Variants in MBNL1 observed in about 807,000 individuals in gnomAD.
The protein encoded by MBNL1 is muscleblind-like protein 1.
MBNL1 carries 8 observed loss-of-function variants against 42.2 expected under a neutral mutation model. The observed-to-expected ratio is 0.19, with a 90% CI of 0.11 to 0.34. The LOEUF is 0.34. Among genes scored for constraint, MBNL1 ranks in the 10% least tolerant of loss-of-function variants. MBNL1 has a pLI of 1.00. For synonymous variants in MBNL1, 169 were observed against 173.9 expected (o/e 0.97, Z 0.22); for missense variants, 309 against 495.3 (o/e 0.62, Z 3.57).
intron 2 of MBNL1, among the ~76,000 whole-genome samples, chr3:152,321,407 C>G (rs2076414327): frequency 6.6e-6 from 1 of 152,038 alleles, no homozygotes; most frequent in South Asian, 2.1e-4. Flanking sequence ...TAAAGTTCTG[C>G]TAATCCATTA....
chr3:152,397,519 C>T (rs886649740), intron 2 of MBNL1, among the ~76,000 whole-genome samples: 1 of 152,098 alleles, frequency 6.6e-6, no homozygotes, highest in Non-Finnish European at 1.5e-5. Flanking sequence ...CATCCATGTC[C>T]CTGCAAAGGA....
chr3:152,314,178 ATTCT>A (rs1320065481), intron 2 of MBNL1, among the ~76,000 whole-genome samples: 4 of 152,144 alleles, frequency 2.6e-5, no homozygotes, highest in African/African-American at 9.7e-5. Flanking sequence ...TGATTGCACT[ATTCT>A]TTTCTATTTT....
chr3:152,456,053 CCTTT>C (rs1179179641), intron 7 of MBNL1, among the ~76,000 whole-genome samples: 1 of 152,006 alleles, frequency 6.6e-6, no homozygotes, highest in Non-Finnish European at 1.5e-5. Flanking sequence ...CTTTTTTCCC[CCTTT>C]TTTTTCTCTT....
At chr3:152,446,021 GAGT>G (rs2099219564) in intron 5 of MBNL1, among the ~76,000 whole-genome samples, 1 of 152,090 alleles carries the variant, frequency 6.6e-6, no homozygotes, top group African/African-American at 2.4e-5. Context: ...ACAGGATTTT[GAGT>G]AGTATACTAT....
At chr3:152,361,027 A>G (rs2095891879) in intron 2 of MBNL1, among the ~76,000 whole-genome samples, 2 of 152,150 alleles carry the variant, frequency 1.3e-5, no homozygotes, top group Non-Finnish European at 2.9e-5. Flanking sequence ...ATTACAGGAT[A>G]TTTTAGATAT....
At chr3:152,411,124 C>G (rs922141292) in intron 2 of MBNL1, among the ~76,000 whole-genome samples, 4 of 152,134 alleles carry the variant, frequency 2.6e-5, no homozygotes, top group Non-Finnish European at 4.4e-5. Context: ...CACTAACTTC[C>G]ACAAGGTCAC....
At chr3:152,399,281 A>G (rs1004107081) in intron 2 of MBNL1, among the ~76,000 whole-genome samples, 6 of 151,978 alleles carry the variant, frequency 3.9e-5, no homozygotes, top group Non-Finnish European at 4.4e-5. Context: ...TTCTTCCTTC[A>G]TCATTCTTCT....
chr3:152,284,154 A>G (rs144389605), intron 1 of MBNL1, among the ~76,000 whole-genome samples: 1 of 152,254 alleles, frequency 6.6e-6, no homozygotes, highest in Non-Finnish European at 1.5e-5. Flanking sequence ...GTTAATGAAT[A>G]TATTCATTTA....
intron 1 of MBNL1, among the ~76,000 whole-genome samples, chr3:152,274,170 G>A (rs1336106975): frequency 6.6e-6 from 1 of 152,090 alleles, no homozygotes; most frequent in African/African-American, 2.4e-5. Flanking sequence ...AAGTTTAGAA[G>A]CTATTAACTA....
rs5853584 is a variant in MBNL1 at position 152,437,777 on chromosome 3, C to CTT, written c.549+4870_549+4871dup. ...TACTTTCTGTACTCCAAAATTCATA[C>CTT]TTTTTTTTTTTTTTGACACTAAGTC... is the stretch of plus-strand genomic sequence containing the variant. On this transcript the variant is annotated intron_variant, in intron 4 of 9. Transcript: ENST00000324210. Among the ~76,000 whole-genome samples the CTT allele has an allele frequency of 3.3e-3, 478 of 145,308 alleles. 3 individuals are homozygous for CTT. The highest frequency in any genetic ancestry group is 7.1e-3 in the Middle Eastern group (2 of 280).
intron 6 of MBNL1, among the ~76,000 whole-genome samples, chr3:152,448,526 T>C (rs1165975849): frequency 6.6e-6 from 1 of 152,188 alleles, no homozygotes; most frequent in East Asian, 1.9e-4. Flanking sequence ...CTCATTATTA[T>C]CTGGAATTTT....
At chr3:152,445,153 T>G (rs1313284239) in intron 4 of MBNL1, 129 bp from the exon 5 acceptor site, 1 of 712,186 alleles carries the variant, frequency 1.4e-6, no homozygotes, top group Non-Finnish European at 2.3e-6. Flanking sequence ...ACTTGTTGCC[T>G]TGTTTGAAAA....
chr3:152,427,659 G>A (rs1443506551), intron 3 of MBNL1, among the ~76,000 whole-genome samples: 5 of 151,436 alleles, frequency 3.3e-5, no homozygotes, highest in Non-Finnish European at 7.4e-5. Context: ...CTAGTTACAG[G>A]GTTATGCCTA....
chr3:152,310,398 A>G (rs1470202334), intron 2 of MBNL1, among the ~76,000 whole-genome samples: 3 of 152,238 alleles, frequency 2.0e-5, no homozygotes, highest in Non-Finnish European at 2.9e-5. Context: ...GATTCAGTGT[A>G]GAAAGTCTGT....
chr3:152,343,488 T>C (rs2093702184), intron 2 of MBNL1, among the ~76,000 whole-genome samples: 1 of 151,916 alleles, frequency 6.6e-6, no homozygotes, highest in Non-Finnish European at 1.5e-5. Flanking sequence ...TTTAGAACAG[T>C]GTCTGGGAAA....
At chr3:152,259,446 C>T (rs2035914550) in intron 2 of MBNL1, among the ~76,000 whole-genome samples, 1 of 152,090 alleles carries the variant, frequency 6.6e-6, no homozygotes, top group Admixed American at 6.5e-5. Flanking sequence ...TTAAAAGAGC[C>T]TTTGATTTTT....
chr3:152,451,595 G>C (rs1422381330), intron 6 of MBNL1, among the ~76,000 whole-genome samples: 3 of 152,116 alleles, frequency 2.0e-5, no homozygotes, highest in Non-Finnish European at 2.9e-5. Flanking sequence ...GATAGCTCAA[G>C]GGTAAAATCT....
chr3:152,248,146 T>A (rs1042774342), intron 2 of MBNL1, among the ~76,000 whole-genome samples: 3 of 152,092 alleles, frequency 2.0e-5, no homozygotes, highest in African/African-American at 7.2e-5. Flanking sequence ...CTTAATTCAA[T>A]CTATTTTCTT....
At chr3:152,408,819 G>T (rs1318138944) in intron 2 of MBNL1, among the ~76,000 whole-genome samples, 1 of 152,100 alleles carries the variant, frequency 6.6e-6, no homozygotes, top group Non-Finnish European at 1.5e-5. Context: ...TATCAGAACT[G>T]AGGGTAGGGG....
Sources: gnomAD v4.1 joint callset for allele counts (sites outside exome capture counted in the v4.1 genomes callset) on GRCh38, gnomAD v4.1.1 for gene constraint, MANE v1.5 for transcripts, NCBI Gene and HGNC (gene_info 2026-07-23, HGNC 2026-07-21) for gene names.